Variants in PCDHAC2 observed in about 807,000 individuals in gnomAD.
PCDHAC2 encodes protocadherin alpha subfamily C, 2.
Under a neutral mutation model 63.3 loss-of-function variants are expected in PCDHAC2, and 24 were observed. The ratio of observed to expected loss-of-function variants is 0.38; its 90% CI spans 0.27 to 0.53. The LOEUF (loss-of-function observed/expected upper bound fraction) is 0.53, where lower values mean the gene tolerates loss of function less well. Among genes scored for constraint, PCDHAC2 ranks in the 20% least tolerant of loss-of-function variants. PCDHAC2 has a pLI of 0.81. For synonymous variants in PCDHAC2, 569 were observed against 529.4 expected (o/e 1.07, Z -1.03); for missense variants, 1,181 against 1,275.2 (o/e 0.93, Z 1.12).
chr5:140,998,908 G>A (rs1203319313), intron 3 of PCDHAC2, among the ~76,000 whole-genome samples: 2 of 152,162 alleles, frequency 1.3e-5, no homozygotes, highest in East Asian at 1.9e-4. Context: ...CCTCCGGGAG[G>A]TAGCTATTAT....
At chr5:140,979,354 A>G (rs1205411040) in intron 2 of PCDHAC2, among the ~76,000 whole-genome samples, 1 of 151,576 alleles carries the variant, frequency 6.6e-6, no homozygotes. Context: ...ATTAATACTC[A>G]TGCTTTGAGA....
At chr5:140,983,408 A>C (rs1554245369) in intron 3 of PCDHAC2, among the ~76,000 whole-genome samples, 1 of 152,208 alleles carries the variant, frequency 6.6e-6, no homozygotes, top group East Asian at 1.9e-4. Context: ...GGGAAGATTA[A>C]GTGTTGGTAG....
chr5:140,988,075 A>G (rs139957067), intron 3 of PCDHAC2, among the ~76,000 whole-genome samples: 4 of 152,258 alleles, frequency 2.6e-5, no homozygotes, highest in Non-Finnish European at 4.4e-5. Flanking sequence ...TTTCTATTTC[A>G]TGAGTGAGTG....
rs1554262683 is a variant in PCDHAC2 at position 141,010,108 on chromosome 5, G to A, written c.*171G>A. 23 of 1,611,296 alleles carry A rather than the reference G, an allele frequency of 1.4e-5. No homozygotes were observed. Among genetic ancestry groups the A allele is most frequent in the East Asian group, 4.5e-5 (2 of 44,852 alleles). On this transcript the variant is annotated 3_prime_UTR_variant, in exon 4 of 4. Transcript: ENST00000289269. ...TAGAACGCATTTAACAGGTTTTGTC[G>A]TAAAAGCTTTACTAAGTCTGGTGTT...
At position 140,971,724 on chromosome 5, in the gene PCDHAC2, C is replaced by T. The variant is rs1489489083; in HGVS notation, c.2565+2393C>T. On this transcript the variant is annotated intron_variant, in intron 1 of 3. Coordinates refer to ENST00000289269, the MANE Select transcript of PCDHAC2 (RefSeq NM_018899.6). ...CCCTGCTATATAGATATATGTATAT[C>T]ATACATATACACATACATATATCTC... 2.0e-5 allele frequency among the ~76,000 whole-genome samples: 3 copies of T among 151,776 alleles called. No homozygotes were observed. The East Asian group carries it at 5.8e-4, about 29-fold the overall frequency.
chr5:140,986,732 C>T (rs1427962629), intron 3 of PCDHAC2, among the ~76,000 whole-genome samples: 1 of 152,150 alleles, frequency 6.6e-6, no homozygotes, highest in African/African-American at 2.4e-5. Context: ...CTTCTCAAGA[C>T]CCCAGGGGAT....
rs2096156699 is a variant in PCDHAC2 at position 140,967,560 on chromosome 5, A to C, written c.794A>C (p.Gln265Pro). The C allele has an allele frequency of 1.2e-6, 2 of 1,613,966 alleles. No homozygotes were observed. The highest frequency in any genetic ancestry group is 1.7e-6 in the Non-Finnish European group (2 of 1,179,998). The change falls in exon 1 of 4, where the codon CAG (glutamine) becomes CCG (proline). Residue 265 changes from glutamine (Q) to proline (P), a missense_variant. By Grantham distance (76) the Gln-to-Pro change is moderately conservative. Transcript: ENST00000289269. ...TTTGACCAGTCCACTTATCGCGTCC[A>C]GCTACGGGAGGACTCACCCCCAGGC... The part of the protein sequence containing the change: ...PAFDQSTYRV[Q>P]LREDSPPGTL...
intron 3 of PCDHAC2, among the ~76,000 whole-genome samples, chr5:141,006,446 C>T (rs2098274720): frequency 1.3e-5 from 2 of 152,066 alleles, no homozygotes; most frequent in South Asian, 4.1e-4. Flanking sequence ...ATCTCCTGAC[C>T]TCGAGATCTG....
Position 141,010,175 on chromosome 5 carries a change from A to G in PCDHAC2, c.*238A>G. The G allele has an allele frequency of 6.4e-7, 1 of 1,556,224 alleles. No homozygotes were observed. The highest frequency in any genetic ancestry group is 8.7e-7 in the Non-Finnish European group (1 of 1,149,078). On this transcript the variant is annotated 3_prime_UTR_variant, in exon 4 of 4. Coordinates refer to ENST00000289269, the MANE Select transcript of PCDHAC2 (RefSeq NM_018899.6). ...TCTGGCTTGTTTTCAGAACCTAAAA[A>G]GCAGACCCAAGTTTCCTTTCTCCTC...
At position 140,975,481 on chromosome 5, in the gene PCDHAC2, T is replaced by C. The variant is rs566642912; in HGVS notation, c.2566-3468T>C. Among the ~76,000 whole-genome samples, 225 of 152,370 alleles carry C rather than the reference T, an allele frequency of 1.5e-3. 1 individual carries two copies. The highest frequency in any genetic ancestry group is 5.2e-3 in the African/African-American group (216 of 41,590). ...TCTTGGAATTCTGCCTATCAGTTTA[T>C]ATCAATGTTCATAAAATAGCACTAT... On this transcript the variant is annotated intron_variant, in intron 1 of 3. Transcript: ENST00000289269.
At chr5:140,979,063 A>G (rs1245308340) in intron 2 of PCDHAC2, 56 bp downstream of exon 2, 3 of 1,604,438 alleles carry the variant, frequency 1.9e-6, no homozygotes, top group East Asian at 4.5e-5. Context: ...TATGGCTCAG[A>G]TAAACTGCAT....
rs1469342094 is a variant in PCDHAC2, at chr5:140,969,187, G to A, written c.2421G>A (p.Met807Ile). The change falls in exon 1 of 4, where the codon ATG becomes ATA. Residue 807 changes from methionine to isoleucine, a missense_variant. Around this residue, in one of 3 missense-constraint regions of PCDHAC2, gnomAD observed 968 missense variants for 1,073.5 expected, o/e 0.90. Transcript: ENST00000289269. Reference protein sequence around the residue: ...LTAGSGSDTFMFYNTGAQTGP... With the variant: ...LTAGSGSDTFIFYNTGAQTGP... ...CAGGCTCAGGGAGTGACACTTTCATGTTTTACAATACAGGGGCCCAGACAG... is the reference window on the plus strand; with the variant it reads ...CAGGCTCAGGGAGTGACACTTTCATATTTTACAATACAGGGGCCCAGACAG... The A allele has an allele frequency of 1.2e-6, 2 of 1,614,106 alleles. No individual in the cohort carries two copies. Among genetic ancestry groups the A allele is most frequent in the Non-Finnish European group, 8.5e-7 (1 of 1,180,012 alleles).
chr5:140,982,561 C>G lies in PCDHAC2; in HGVS notation c.2711C>G (p.Pro904Arg), dbSNP rs560422677. ...QQWPTVSSAT[P>R]EPEAGEVSPP... The stretch of plus-strand genomic sequence containing the variant: ...TGGCCAACAGTATCCAGTGCAACAC[C>G]AGGTAAAGAGCTGGGGTCTCTCCAT... The change falls in exon 3 of 4, where the codon CCA (proline) becomes CGA (arginine). Residue 904 changes from proline (P) to arginine (R), a missense_variant and splice_region_variant. By Grantham distance (103) the Pro-to-Arg change is moderately radical. Coordinates refer to ENST00000289269, the MANE Select transcript of PCDHAC2 (RefSeq NM_018899.6). The G allele has an allele frequency of 6.2e-7, 1 of 1,614,060 alleles. No individual in the cohort carries two copies. Among genetic ancestry groups the G allele is most frequent in the African/African-American group, 1.3e-5 (1 of 75,052 alleles).
intron 3 of PCDHAC2, among the ~76,000 whole-genome samples, chr5:140,986,774 A>G (rs1201484926): frequency 6.6e-6 from 1 of 152,226 alleles, no homozygotes; most frequent in Non-Finnish European, 1.5e-5. Context: ...TTAATTAGGT[A>G]GCGGAAGCCA....
intron 3 of PCDHAC2, among the ~76,000 whole-genome samples, chr5:141,007,395 C>CAAAAAAAAAAAAAAAA (rs35800918): frequency 3.2e-5 from 3 of 94,864 alleles, no homozygotes; most frequent in Non-Finnish European, 4.1e-5. Flanking sequence ...TACTAAAATA[C>CAAAAAAAAAAAAAAAA]AAAAAAAAAA....
intron 3 of PCDHAC2, among the ~76,000 whole-genome samples, chr5:141,007,932 A>T (rs150576416): frequency 3.9e-5 from 6 of 152,336 alleles, no homozygotes; most frequent in Non-Finnish European, 7.3e-5. Context: ...CTGGAATTCT[A>T]AGCCACCTTT....
chr5:140,982,582 T>C lies in PCDHAC2; in HGVS notation c.2713+19T>C. On this transcript the variant is annotated intron_variant, in intron 3 of 3. Transcript: ENST00000289269. ...ACACCAGGTAAAGAGCTGGGGTCTC[T>C]CCATTCTTTCTTGGTTTCTGGAAAG... 6.2e-7 allele frequency: 1 copy of C among 1,612,148 alleles called. No homozygotes were observed. Among genetic ancestry groups the C allele is most frequent in the Non-Finnish European group, 8.5e-7 (1 of 1,178,720 alleles).
chr5:140,999,217 A>G (rs2097851437), intron 3 of PCDHAC2, among the ~76,000 whole-genome samples: 1 of 152,232 alleles, frequency 6.6e-6, no homozygotes, highest in Non-Finnish European at 1.5e-5. Context: ...TGGAAGTACT[A>G]CATTTGAGAA....
chr5:140,999,822 T>C (rs1389164136), intron 3 of PCDHAC2, among the ~76,000 whole-genome samples: 3 of 152,222 alleles, frequency 2.0e-5, no homozygotes, highest in Non-Finnish European at 4.4e-5. Context: ...GAGCTGTGGC[T>C]TTAAAAATAT....
Sources: gnomAD v4.1 joint callset for allele counts (sites outside exome capture counted in the v4.1 genomes callset) on GRCh38, gnomAD v4.1.1 for gene constraint, gnomAD v4.1.1 regional missense constraint, MANE v1.5 for transcripts, NCBI Gene and HGNC (gene_info 2026-07-23, HGNC 2026-07-21) for gene names.